SLC60A1: variants seen among roughly 807,000 people sequenced by gnomAD.
SLC60A1 encodes the protein solute carrier family 60 member 1, also known as major facilitator superfamily domain containing 4.
the SLC60A1 span, chr1:205,579,721 A>C: frequency 1.2e-6 from 2 of 1,612,140 alleles, no homozygotes; most frequent in Non-Finnish European, 8.5e-7. Context: ...TTCCAGCCCC[A>C]TCCCCTGACA....
the SLC60A1 span, chr1:205,579,860 C>G: frequency 6.2e-7 from 1 of 1,614,160 alleles, no homozygotes; most frequent in Admixed American, 1.7e-5. Context: ...AGTCATGGCG[C>G]TGGCGGGCTT....
chr1:205,586,288 G>A, the SLC60A1 span: 1 of 1,522,392 alleles, frequency 6.6e-7, no homozygotes, highest in Non-Finnish European at 9.0e-7. Context: ...CAGGACGTTT[G>A]CCCAGGCCTA....
At chr1:205,580,974 C>T in the SLC60A1 span, 1 of 1,571,980 alleles carries the variant, frequency 6.4e-7, no homozygotes, top group South Asian at 1.2e-5. This position sits in a 1 kb window ranked among gnomAD's most constrained non-coding sequence, Gnocchi z 5.0. Flanking sequence ...GTCCACACAT[C>T]CCAGTCCACC....
chr1:205,573,419 C>CA, the SLC60A1 span, among the ~76,000 whole-genome samples: 14 of 130,174 alleles, frequency 1.1e-4, no homozygotes, highest in South Asian at 2.5e-4. Context: ...AACTCTGTCT[C>CA]AAAAAAAGAA....
At chr1:205,594,830 G>C in the SLC60A1 span, among the ~76,000 whole-genome samples, 1 of 152,004 alleles carries the variant, frequency 6.6e-6, no homozygotes, top group African/African-American at 2.4e-5. Context: ...TCTTTGATGG[G>C]TCTTGGCTTG....
chr1:205,578,796 G>A, the SLC60A1 span, among the ~76,000 whole-genome samples: 2 of 152,100 alleles, frequency 1.3e-5, no homozygotes, highest in African/African-American at 2.4e-5. Flanking sequence ...GGGGTGGGGG[G>A]CTCTCTCCCT....
At chr1:205,600,513 G>A in the SLC60A1 span, 21 of 1,576,708 alleles carry the variant, frequency 1.3e-5, no homozygotes, top group Admixed American at 1.3e-4. Context: ...TCACCAGCAC[G>A]ACCATACTGT....
the SLC60A1 span, among the ~76,000 whole-genome samples, chr1:205,569,852 C>T: frequency 4.6e-5 from 7 of 152,174 alleles, no homozygotes; most frequent in African/African-American, 1.4e-4. Flanking sequence ...CTAACACAGG[C>T]TGTCCCTTCC....
the SLC60A1 span, chr1:205,569,250 C>T: frequency 6.4e-7 from 1 of 1,570,896 alleles, no homozygotes; most frequent in South Asian, 1.2e-5. Context: ...CTTCTCGCAG[C>T]AGCTCTGCCT....
chr1:205,601,434 T>C, the SLC60A1 span: 1 of 152,342 alleles, frequency 6.6e-6, no homozygotes, highest in South Asian at 2.1e-4. Context: ...ATACCACTGC[T>C]AGTAATCAAG....
At chr1:205,591,912 A>C in the SLC60A1 span, 2 of 522,820 alleles carry the variant, frequency 3.8e-6, no homozygotes, top group Non-Finnish European at 6.9e-6. Context: ...CTAGGTGGGA[A>C]GATGTCTAGG....
chr1:205,569,223 C>T, the SLC60A1 span: 1 of 1,563,956 alleles, frequency 6.4e-7, no homozygotes, highest in Non-Finnish European at 8.7e-7. Context: ...CTCGCTGCCC[C>T]AGATCTCCTG....
the SLC60A1 span, among the ~76,000 whole-genome samples, chr1:205,578,789 G>A: frequency 6.6e-6 from 1 of 152,280 alleles, no homozygotes; most frequent in Non-Finnish European, 1.5e-5. Context: ...GGCTGATGGG[G>A]TGGGGGGCTC....
chr1:205,598,266 CT>C, the SLC60A1 span: 1 of 168,004 alleles, frequency 6.0e-6, no homozygotes. Context: ...CAGCTTCCTG[CT>C]CAACTCCTGC....
chr1:205,582,589 T>A, the SLC60A1 span, among the ~76,000 whole-genome samples: 2 of 152,190 alleles, frequency 1.3e-5, no homozygotes, highest in Non-Finnish European at 2.9e-5. Context: ...ACGCCTCTTG[T>A]ACAGCTGTTT....
At chr1:205,570,874 C>T in the SLC60A1 span, among the ~76,000 whole-genome samples, 1 of 152,096 alleles carries the variant, frequency 6.6e-6, no homozygotes, top group African/African-American at 2.4e-5. Context: ...GCAAAGAACA[C>T]GGAGGGGAAG....
the SLC60A1 span, among the ~76,000 whole-genome samples, chr1:205,578,919 T>C: frequency 1.3e-5 from 2 of 152,296 alleles, no homozygotes; most frequent in East Asian, 1.9e-4. Flanking sequence ...GTCTTTATCC[T>C]TTCTCTGAGA....
the SLC60A1 span, among the ~76,000 whole-genome samples, chr1:205,570,492 C>T: frequency 6.6e-6 from 1 of 152,244 alleles, no homozygotes; most frequent in Non-Finnish European, 1.5e-5. Flanking sequence ...CAGGTGTTTC[C>T]ATCCACCTTG....
the SLC60A1 span, among the ~76,000 whole-genome samples, chr1:205,577,352 G>A: frequency 3.9e-4 from 59 of 152,258 alleles, no homozygotes; most frequent in African/African-American, 1.0e-3. This position sits in a 1 kb window ranked among gnomAD's most constrained non-coding sequence, Gnocchi z 5.2. Flanking sequence ...GCACTGCGCC[G>A]GTCACTAGCC....
Sources: allele counts gnomAD v4.1 joint callset (sites outside exome capture counted in the v4.1 genomes callset), GRCh38; gene constraint gnomAD v4.1.1; non-coding constraint Gnocchi (gnomAD v3.1); transcripts MANE v1.5; gene names NCBI Gene and HGNC (gene_info 2026-07-23, HGNC 2026-07-21).